The following TIAM1 variants were observed in gnomAD, a reference collection of about 807,000 sequenced individuals.
The protein encoded by TIAM1 is rho guanine nucleotide exchange factor TIAM1.
Under a neutral mutation model 163.5 loss-of-function variants are expected in TIAM1, and 65 were observed. That is an observed-to-expected ratio of 0.40 (90% CI 0.33 to 0.49). The LOEUF (loss-of-function observed/expected upper bound fraction) is 0.49, where lower values mean the gene tolerates loss of function less well. TIAM1 is among the 20% of genes least tolerant of loss of function. The pLI is 0.77. For missense variants in TIAM1, 1,789 were observed against 2,044.7 expected, an observed-to-expected ratio of 0.87 and a Z score of 2.41; for synonymous variants, 833 against 810.1, an observed-to-expected ratio of 1.03 and a Z score of -0.48.
intron 2 of TIAM1, among the ~76,000 whole-genome samples, chr21:31,386,983 C>A (rs1000613384): frequency 6.6e-6 from 1 of 152,010 alleles, no homozygotes; most frequent in African/African-American, 2.4e-5. Flanking sequence ...CTGGGCTGGG[C>A]ACCCATGGCC....
Position 31,152,682 on chromosome 21 carries a change from C to G in TIAM1, c.3320G>C (p.Arg1107Thr). Reference protein sequence around the residue: ...EFLKTLEDGVRLVPDLEKLEK... With the variant: ...EFLKTLEDGVTLVPDLEKLEK... The stretch of plus-strand genomic sequence containing the variant: ...AAGCTTTTCCAAATCAGGTACCAGT[C>G]TCACTCCATCTTCTAGAGTTTTAAG... The change falls in exon 19 of 28, where the codon AGA becomes ACA. Residue 1107 changes from arginine (R) to threonine (T), a missense_variant. Arg to Thr is a moderately conservative substitution (Grantham distance 71, BLOSUM62 -1). Around this residue, in one of 5 missense-constraint regions of TIAM1, gnomAD observed 303 missense variants for 321.3 expected, o/e 0.94. Transcript: ENST00000541036. The G allele has an allele frequency of 6.2e-7, 1 of 1,614,206 alleles. No homozygotes were observed. Among genetic ancestry groups the G allele is most frequent in the Non-Finnish European group, 8.5e-7 (1 of 1,180,026 alleles).
chr21:31,153,174 A>G lies in TIAM1; in HGVS notation c.3172-40T>C, dbSNP rs112778274. 2,951 of 1,499,834 alleles carry G rather than the reference A, an allele frequency of 2.0e-3. 41 individuals carry two copies. The African/African-American group carries it at 0.033, about 17-fold the overall frequency. 92.9% of individuals were successfully genotyped at this position (1,499,834 alleles called of 1,614,324 possible). ...GAGAACTCATTAGCTTATGTGTTTT[A>G]TTTTTTATATACCCTAGAACTTAAA... On this transcript the variant is annotated intron_variant, in intron 17 of 27. Transcript: ENST00000541036.
intron 2 of TIAM1, among the ~76,000 whole-genome samples, chr21:31,336,716 G>A (rs946240309): frequency 6.6e-6 from 1 of 152,040 alleles, no homozygotes; most frequent in Non-Finnish European, 1.5e-5. Context: ...CATCTGAGAA[G>A]GAACACTGGT....
intron 2 of TIAM1, among the ~76,000 whole-genome samples, chr21:31,401,299 T>C (rs1048269211): frequency 6.6e-6 from 1 of 152,224 alleles, no homozygotes; most frequent in African/African-American, 2.4e-5. Flanking sequence ...TAACCAGCTC[T>C]TCATCAGCTA....
intron 1 of TIAM1, among the ~76,000 whole-genome samples, chr21:31,541,895 G>A (rs527648984): frequency 7.2e-5 from 11 of 152,218 alleles, no homozygotes; most frequent in Admixed American, 4.6e-4. Flanking sequence ...AATCCCTTTC[G>A]AAGCTAAGTG....
At position 31,266,784 on chromosome 21, in the gene TIAM1, G is replaced by T; in HGVS notation, c.189C>A (p.Ser63Arg). The T allele has an allele frequency of 6.2e-7, 1 of 1,614,252 alleles. No homozygotes were observed. The highest frequency in any genetic ancestry group is 8.5e-7 in the Non-Finnish European group (1 of 1,180,052). The change falls in exon 4 of 28, where the codon AGC (serine) becomes AGA (arginine). Residue 63 changes from serine to arginine, a missense_variant. This residue lies in a region of TIAM1 where 555 missense variants were observed against 564.9 expected (regional missense o/e 0.98). Coordinates refer to ENST00000541036, the MANE Select transcript of TIAM1 (RefSeq NM_001353694.2). ...EVSTRSSSTP[S>R]IPQSLAENGL... ...CATTTTCAGCCAGGGACTGGGGGATGCTGGGGGTGCTGCTGGATCGGGTGC... is the reference window on the plus strand; with the variant it reads ...CATTTTCAGCCAGGGACTGGGGGATTCTGGGGGTGCTGCTGGATCGGGTGC...
intron 1 of TIAM1, among the ~76,000 whole-genome samples, chr21:31,481,498 G>T (rs1648016835): frequency 6.6e-6 from 1 of 152,066 alleles, no homozygotes; most frequent in South Asian, 2.1e-4. Flanking sequence ...CCACAAGATT[G>T]CCCCCATTTC....
intron 16 of TIAM1, among the ~76,000 whole-genome samples, chr21:31,162,068 G>A (rs150503814): frequency 1.2e-3 from 189 of 152,282 alleles, no homozygotes; most frequent in African/African-American, 4.5e-3. Context: ...AAAACCAGAT[G>A]TTAACAATCT....
chr21:31,528,092 C>A (rs1189724733), intron 1 of TIAM1, among the ~76,000 whole-genome samples: 2 of 152,168 alleles, frequency 1.3e-5, no homozygotes. Flanking sequence ...AAACAACATT[C>A]ACTGACAGAG....
At chr21:31,341,886 T>C (rs190744906) in intron 1 of TIAM1, among the ~76,000 whole-genome samples, 81 of 152,194 alleles carry the variant, frequency 5.3e-4, no homozygotes, top group African/African-American at 1.8e-3. Context: ...CCAATTAAGA[T>C]ACCATCAAAA....
intron 1 of TIAM1, among the ~76,000 whole-genome samples, chr21:31,543,248 T>A (rs893296844): frequency 1.3e-5 from 2 of 152,208 alleles, no homozygotes; most frequent in Admixed American, 6.5e-5. Flanking sequence ...TGATCTCTCC[T>A]GAGTAAAATC....
chr21:31,298,765 T>A (rs1299478848), intron 2 of TIAM1, among the ~76,000 whole-genome samples: 7 of 134,018 alleles, frequency 5.2e-5, no homozygotes, highest in African/African-American at 2.4e-4. Context: ...TGTGTGTGTG[T>A]GTGAGAAACA....
At chr21:31,517,368 G>T (rs2047419782) in intron 1 of TIAM1, among the ~76,000 whole-genome samples, 1 of 152,100 alleles carries the variant, frequency 6.6e-6, no homozygotes, top group African/African-American at 2.4e-5. Flanking sequence ...CCCCGTCTCT[G>T]TAAATAAATA....
At chr21:31,504,530 C>T (rs1392877942) in intron 1 of TIAM1, among the ~76,000 whole-genome samples, 1 of 152,170 alleles carries the variant, frequency 6.6e-6, no homozygotes, top group African/African-American at 2.4e-5. Context: ...GGATCTAGGT[C>T]GCTCCTCTGT....
At chr21:31,191,405 C>T (rs866324471) in intron 13 of TIAM1, among the ~76,000 whole-genome samples, 43 of 152,278 alleles carry the variant, frequency 2.8e-4, no homozygotes, top group Middle Eastern at 6.8e-3. Context: ...CTGCCCACCT[C>T]GGCCTCCCAA....
rs144130258 is a variant in TIAM1 at position 31,400,657 on chromosome 21, G to A, written c.-368-61235C>T. On this transcript the variant is annotated intron_variant, in intron 2 of 28. Transcript: ENST00000286827. The stretch of plus-strand genomic sequence containing the variant: ...AAGGAACTGAAATTCAAAGAACTTC[G>A]TTACCAAAGTGACACAGCTGGTTAG... Among the ~76,000 whole-genome samples, 639 of 152,258 alleles carry A rather than the reference G, an allele frequency of 4.2e-3. 2 individuals carry two copies. The highest frequency in any genetic ancestry group is 0.013 in the African/African-American group (557 of 41,536).
At chr21:31,234,617 C>G (rs1314933740) in intron 6 of TIAM1, among the ~76,000 whole-genome samples, 2 of 151,874 alleles carry the variant, frequency 1.3e-5, no homozygotes, top group Non-Finnish European at 2.9e-5. Context: ...CCCGTCTCTA[C>G]AAAAACCACA....
upstream of TIAM1, among the ~76,000 whole-genome samples, chr21:31,347,258 C>T (rs559168691): frequency 7.9e-5 from 12 of 152,228 alleles, no homozygotes; most frequent in Admixed American, 6.5e-4. Flanking sequence ...CTGAACAGAA[C>T]GGCTTACCTG....
chr21:31,453,472 T>C lies in TIAM1; in HGVS notation c.-369+10511A>G, dbSNP rs573018660. On this transcript the variant is annotated intron_variant, in intron 2 of 28. Coordinates refer to the TIAM1 transcript ENST00000286827. ...ATCCCAGCACTTTGGGAGGTCAAGG[T>C]GACCCGAGCTCGGGAGTTCGAGACC... 2.0e-5 allele frequency among the ~76,000 whole-genome samples: 3 copies of C among 151,952 alleles called. No individual in the cohort carries two copies. The East Asian group carries it at 5.9e-4, about 30-fold the overall frequency.
Sources: allele counts gnomAD v4.1 joint callset (sites outside exome capture counted in the v4.1 genomes callset), GRCh38; gene constraint gnomAD v4.1.1; regional missense constraint gnomAD v4.1.1; transcripts MANE v1.5; gene names NCBI Gene and HGNC (gene_info 2026-07-23, HGNC 2026-07-21).